Variants in JAKMIP1 observed in about 807,000 individuals in gnomAD.
JAKMIP1 encodes janus kinase and microtubule interacting protein 1.
In JAKMIP1, 33 loss-of-function variants were observed where a neutral mutation model predicts 113.0. The ratio of observed to expected loss-of-function variants is 0.29; its 90% confidence interval spans 0.22 to 0.39. The LOEUF is 0.39. Among genes scored for constraint, JAKMIP1 ranks in the 10% least tolerant of loss-of-function variants. The pLI, the probability that JAKMIP1 is intolerant of heterozygous loss-of-function variation, is 1.00. For missense variants in JAKMIP1, 813 were observed against 1,080.5 expected (o/e 0.75, Z 3.47); for synonymous variants, 480 against 459.9 (o/e 1.04, Z -0.56).
At chr4:6,039,586 G>A (rs1231339079) in intron 18 of JAKMIP1, among the ~76,000 whole-genome samples, 6 of 152,166 alleles carry the variant, frequency 3.9e-5, no homozygotes, top group East Asian at 1.9e-4. Context: ...GTCTCCATTC[G>A]TTAGTTGCCC....
Position 6,062,905 on chromosome 4 carries a change from G to A in JAKMIP1, c.1432-465C>T, listed in dbSNP as rs914728204. ...CTCACGCCTGTAATCCCAGCACTTTGGGAGGCTGAGGCAGATCACCTGAGG... is the reference window on the plus strand; with the variant it reads ...CTCACGCCTGTAATCCCAGCACTTTAGGAGGCTGAGGCAGATCACCTGAGG... On this transcript the variant is annotated intron_variant, in intron 9 of 20. Coordinates refer to ENST00000409021, the MANE Select transcript of JAKMIP1 (RefSeq NM_001099433.2). Among the ~76,000 whole-genome samples, 6 of 152,354 alleles carry A rather than the reference G, an allele frequency of 3.9e-5. No homozygotes were observed. The South Asian group carries it at 1.2e-3, about 32-fold the overall frequency.
At chr4:6,189,047 G>A (rs58571763) in intron 1 of JAKMIP1, among the ~76,000 whole-genome samples, 1,972 of 152,260 alleles carry the variant, frequency 0.013, 46 homozygotes, top group African/African-American at 0.046. Context: ...CTCACCCAGC[G>A]CCCTGGTCCA....
At chr4:6,111,073 C>T (rs1040789957) in intron 2 of JAKMIP1, among the ~76,000 whole-genome samples, 3 of 152,056 alleles carry the variant, frequency 2.0e-5, no homozygotes, top group African/African-American at 7.2e-5. Flanking sequence ...AGCCCAGTCC[C>T]CTGGTCCAGA....
At chr4:6,098,546 A>AAAAGAAAGAAAGAAAG (rs759936324) in intron 3 of JAKMIP1, among the ~76,000 whole-genome samples, 1,279 of 46,480 alleles carry the variant, frequency 0.028, 21 homozygotes, top group African/African-American at 0.06. Flanking sequence ...GAGAGAAAGA[A>AAAAGAAAGAAAGAAAG]AAAGAAAGAA....
intron 1 of JAKMIP1, among the ~76,000 whole-genome samples, chr4:6,173,747 G>A (rs1725015575): frequency 6.6e-6 from 1 of 152,150 alleles, no homozygotes; most frequent in South Asian, 2.1e-4. Flanking sequence ...CCTAAATGTT[G>A]TGACTTTTAT....
intron 1 of JAKMIP1, among the ~76,000 whole-genome samples, chr4:6,118,323 G>T (rs1716150728): frequency 6.6e-6 from 1 of 152,124 alleles, no homozygotes. Context: ...GGGTGAAATG[G>T]GTCCCTGCCT....
intron 8 of JAKMIP1, among the ~76,000 whole-genome samples, chr4:6,070,544 C>T (rs1718809799): frequency 6.6e-6 from 1 of 152,250 alleles, no homozygotes; most frequent in African/African-American, 2.4e-5. Flanking sequence ...CCTCCCAGAT[C>T]CCGTCCTCCC....
chr4:6,171,639 C>T (rs1168768068), intron 1 of JAKMIP1, among the ~76,000 whole-genome samples: 1 of 152,190 alleles, frequency 6.6e-6, no homozygotes, highest in Non-Finnish European at 1.5e-5. Context: ...CATGAGTGCA[C>T]AACAGTGATA....
Position 6,094,087 on chromosome 4 carries a change from T to C in JAKMIP1, c.625-8458A>G, listed in dbSNP as rs151196871. On this transcript the variant is annotated intron_variant, in intron 3 of 20. Coordinates refer to ENST00000409021, the MANE Select transcript of JAKMIP1 (RefSeq NM_001099433.2). The surrounding 1 kb of genome is among the most constrained non-coding windows in gnomAD (Gnocchi z 4.2). The stretch of plus-strand genomic sequence containing the variant: ...GGTTTTAGCCATGGCCCCCCAGGAC[T>C]CCCCCGAGAGGCTGGCCCAGCAGGC... 6.8e-3 allele frequency among the ~76,000 whole-genome samples: 1,031 copies of C among 151,610 alleles called. 12 individuals carry two copies. The highest frequency in any genetic ancestry group is 0.024 in the African/African-American group (987 of 41,292).
chr4:6,096,850 C>T (rs1237835268), intron 3 of JAKMIP1, among the ~76,000 whole-genome samples: 1 of 152,162 alleles, frequency 6.6e-6, no homozygotes, highest in Non-Finnish European at 1.5e-5. Context: ...ATACATATAG[C>T]TGAAAGGTAA....
intron 1 of JAKMIP1, among the ~76,000 whole-genome samples, chr4:6,127,431 G>A (rs1474577193): frequency 2.6e-5 from 4 of 152,214 alleles, no homozygotes; most frequent in African/African-American, 7.2e-5. Context: ...ACTGTGCCAG[G>A]GGAAGCCTGT....
chr4:6,039,819 C>T (rs761186816), intron 18 of JAKMIP1, among the ~76,000 whole-genome samples: 16 of 152,220 alleles, frequency 1.1e-4, no homozygotes, highest in Non-Finnish European at 2.1e-4. Context: ...GCTACCTGCT[C>T]TCTGTCTTCC....
Position 6,050,761 on chromosome 4 carries a change from C to A in JAKMIP1, c.1807-82G>T, listed in dbSNP as rs1715557901. 6.3e-6 allele frequency: 7 copies of A among 1,119,680 alleles called. No individual in the cohort carries two copies. Among genetic ancestry groups the A allele is most frequent in the Non-Finnish European group, 9.2e-6 (7 of 760,720 alleles). The allele number at this position is 1,119,680 out of a possible 1,614,324, so 69.4% of individuals were successfully genotyped here. A position where few individuals can be genotyped will look rare whatever the true frequency, so the allele number is the denominator to read the frequency against. ...ATTTTCCCACGTTACTCAGCAAAAA[C>A]CAAGGAATTCCAGTGGGCACAGACG... On this transcript the variant is annotated intron_variant, in intron 13 of 20. Coordinates refer to ENST00000409021, the MANE Select transcript of JAKMIP1 (RefSeq NM_001099433.2). This position sits in a 1 kb window ranked among gnomAD's most constrained non-coding sequence, Gnocchi z 7.4.
intron 3 of JAKMIP1, among the ~76,000 whole-genome samples, chr4:6,098,638 AAGAAAGAAAG>A (rs1303270775): frequency 2.0e-5 from 3 of 147,574 alleles, no homozygotes; most frequent in African/African-American, 7.9e-5. Context: ...AAAGAAAGAA[AAGAAAGAAAG>A]GAAAGGAAAG....
intron 1 of JAKMIP1, among the ~76,000 whole-genome samples, chr4:6,166,096 T>G (rs77387206): frequency 6.6e-6 from 1 of 152,306 alleles, no homozygotes; most frequent in African/African-American, 2.4e-5. Flanking sequence ...CTCAGAAAAC[T>G]CAGGATGAGC....
At position 6,040,732 on chromosome 4, in the gene JAKMIP1, G is replaced by T. The variant is rs200595433; in HGVS notation, c.2098-16C>A. Reference sequence around the variant, plus strand: ...TGAACAGGTCCTGAGAAAGAGGGAGGCGCCATCAGGGACCAGCGTCAGAAC... The same window carrying T: ...TGAACAGGTCCTGAGAAAGAGGGAGTCGCCATCAGGGACCAGCGTCAGAAC... On this transcript the variant is annotated splice_polypyrimidine_tract_variant and intron_variant, in intron 17 of 20. Transcript: ENST00000409021. This position sits in a 1 kb window ranked among gnomAD's most constrained non-coding sequence, Gnocchi z 5.8. The T allele has an allele frequency of 2.0e-3, 3,250 of 1,605,618 alleles. 11 individuals carry two copies. Among genetic ancestry groups the T allele is most frequent in the Admixed American group, 2.7e-3 (163 of 59,798 alleles).
rs1722320873 is a variant in JAKMIP1 at position 6,157,030 on chromosome 4, C to T, written c.-148+43223G>A. 1.3e-5 allele frequency among the ~76,000 whole-genome samples: 2 copies of T among 152,148 alleles called. No homozygotes were observed. The highest frequency in any genetic ancestry group is 4.8e-5 in the African/African-American group (2 of 41,424). ...GGTGATTGGGTCATGAGGGCTCTAA[C>T]CTCATGAATGGATTAATGCCATTAT... On this transcript the variant is annotated intron_variant, in intron 1 of 20. Coordinates refer to ENST00000409021, the MANE Select transcript of JAKMIP1 (RefSeq NM_001099433.2). The surrounding 1 kb of genome is among the most constrained non-coding windows in gnomAD (Gnocchi z 4.7).
chr4:6,095,107 G>A, intron 3 of JAKMIP1, among the ~76,000 whole-genome samples: 1 of 147,192 alleles, frequency 6.8e-6, no homozygotes, highest in Admixed American at 6.9e-5. Context: ...AGGGGAGAGA[G>A]AGGAAGGGAA....
In JAKMIP1 at chr4:6,094,939, G is replaced by T. The variant is rs1228600947; in HGVS notation, c.625-9310C>A. On this transcript the variant is annotated intron_variant, in intron 3 of 20. Transcript: ENST00000409021. This position sits in a 1 kb window ranked among gnomAD's most constrained non-coding sequence, Gnocchi z 4.2. ...GTAGAGGCTGCAGTGAGCTGTGATT[G>T]CACCACTGCACTCCAGCCTGGGCGA... Among the ~76,000 whole-genome samples the T allele has an allele frequency of 1.3e-5, 2 of 151,814 alleles. No homozygotes were observed. Among genetic ancestry groups the T allele is most frequent in the Non-Finnish European group, 2.9e-5 (2 of 67,970 alleles).
Sources: gnomAD v4.1 joint callset for allele counts (sites outside exome capture counted in the v4.1 genomes callset) on GRCh38, gnomAD v4.1.1 for gene constraint, Gnocchi (gnomAD v3.1) non-coding constraint, MANE v1.5 for transcripts, NCBI Gene and HGNC (gene_info 2026-07-23, HGNC 2026-07-21) for gene names.